Variants in POLR2E observed in about 807,000 individuals in gnomAD.
POLR2E encodes the protein DNA-directed RNA polymerases I, II, and III subunit RPABC1.
A neutral mutation model predicts 29.8 loss-of-function variants in POLR2E; 35 were observed. The ratio of observed to expected loss-of-function variants is 1.17; its 90% CI spans 0.90 to 1.55. POLR2E has a LOEUF of 1.55. POLR2E is among the 40% of genes most tolerant of loss of function. The pLI, the probability that POLR2E is intolerant of heterozygous loss-of-function variation, is 0.00. For missense variants in POLR2E, 287 were observed against 288.6 expected (o/e 0.99, Z 0.04); for synonymous variants, 174 against 112.6 (o/e 1.55, Z -3.45).
intron 3 of POLR2E, 147 bp downstream of exon 3, chr19:1,091,645 G>A: frequency 1.6e-6 from 1 of 629,254 alleles, no homozygotes; most frequent in South Asian, 1.8e-5. Context: ...AGGCGGTCGG[G>A]GCTTGCCGGA....
intron 6 of POLR2E, 69 bp from the exon 7 acceptor site, chr19:1,089,620 G>A: frequency 7.5e-7 from 1 of 1,338,558 alleles, no homozygotes; most frequent in Non-Finnish European, 1.1e-6. Context: ...ACAGCAGGCG[G>A]GCAGCACACG....
In POLR2E at chr19:1,090,942, T is replaced by C; in HGVS notation, c.395A>G (p.Gln132Arg). The C allele has an allele frequency of 4.3e-6, 7 of 1,613,644 alleles. No homozygotes were observed. Among genetic ancestry groups the C allele is most frequent in the Non-Finnish European group, 5.9e-6 (7 of 1,179,972 alleles). Residue 132 changes from glutamine to arginine, a missense_variant, in exon 4 of 8, where the codon CAG (glutamine) becomes CGG (arginine). Gln to Arg is a conservative substitution (Grantham distance 43). Transcript: ENST00000615234. ...APKYILEQFLQQELLINITEH... is the reference protein window; with the variant it reads ...APKYILEQFLRQELLINITEH... ...CGTGATGTTGATGAGCAGCTCCTGC[T>C]GCAGAAACTGCTCCAGGATGTACTT...
In POLR2E at chr19:1,091,906, C is replaced by T; in HGVS notation, c.234G>A (p.Glu78=). The T allele has an allele frequency of 2.5e-6, 4 of 1,606,096 alleles. No individual in the cohort carries two copies. The highest frequency in any genetic ancestry group is 2.6e-6 in the Non-Finnish European group (3 of 1,173,930). ...TGGTCTTGATGCCCACCTTGGGCTCCTCTGCAGACAGAGAGTGTGCTGGCC... is the reference window on the plus strand; with the variant it reads ...TGGTCTTGATGCCCACCTTGGGCTCTTCTGCAGACAGAGAGTGTGCTGGCC... ...PTDQMFVFFP[E]EPKVGIKTIK... Residue 78 remains glutamate (E), a splice_region_variant and synonymous_variant, in exon 3 of 8, where the codon GAG becomes GAA. Coordinates refer to ENST00000615234, the MANE Select transcript of POLR2E (RefSeq NM_002695.5).
At position 1,093,893 on chromosome 19, in the gene POLR2E, C is replaced by T; in HGVS notation, c.232+11G>A. On this transcript the variant is annotated intron_variant, in intron 2 of 7. Transcript: ENST00000615234. ...GGCTTCACCGGAACTCCCCCGGGAC[C>T]CGCTGCTCACCTGGAAAGAACACAA... The T allele has an allele frequency of 1.3e-6, 2 of 1,572,146 alleles. No homozygotes were observed. The highest frequency in any genetic ancestry group is 1.9e-4 in the Middle Eastern group (1 of 5,302).
intron 1 of POLR2E, chr19:1,094,675 G>A (rs1262376263): frequency 6.4e-6 from 1 of 157,478 alleles, no homozygotes; most frequent in Non-Finnish European, 1.4e-5. Context: ...GCAAGACAAA[G>A]CAAAAGCTCT....
rs924545876 is a variant in POLR2E at position 1,094,088 on chromosome 19, G to T, written c.58-10C>A. The T allele has an allele frequency of 2.5e-6, 4 of 1,602,338 alleles. No individual in the cohort carries two copies. The highest frequency in any genetic ancestry group is 3.4e-6 in the Non-Finnish European group (4 of 1,174,546). On this transcript the variant is annotated splice_polypyrimidine_tract_variant and intron_variant, in intron 1 of 7. Transcript: ENST00000615234. ...CACGGTCGTGGCACAGCTGCAGAGAGAAAGAACCAGCTGACCCCAGGGCAG... is the reference window on the plus strand; with the variant it reads ...CACGGTCGTGGCACAGCTGCAGAGATAAAGAACCAGCTGACCCCAGGGCAG...
At chr19:1,094,869 A>C in intron 1 of POLR2E, 1 of 215,824 alleles carries the variant, frequency 4.6e-6, no homozygotes, top group Non-Finnish European at 9.2e-6. Flanking sequence ...CAACTCTGCC[A>C]GCCTCGGATG....
In POLR2E at chr19:1,092,641, T is replaced by C. The variant is rs532836691; in HGVS notation, c.233-734A>G. Among the ~76,000 whole-genome samples the C allele has an allele frequency of 3.1e-3, 471 of 151,960 alleles. 8 individuals carry two copies. Among genetic ancestry groups the C allele is most frequent in the Admixed American group, 1.6e-3 (25 of 15,260 alleles). On this transcript the variant is annotated intron_variant, in intron 2 of 7. Transcript: ENST00000615234. ...AGGCAGAGCTTGCAGTGGGCAGAGA[T>C]TGCGCCACTGCACTCCAGCCTGGGC... is the stretch of plus-strand genomic sequence containing the variant.
rs1403252793 is a variant in POLR2E, at chr19:1,088,410, C to G, written c.*325G>C. 1.3e-5 allele frequency: 2 copies of G among 152,324 alleles called. No homozygotes were observed. Among genetic ancestry groups the G allele is most frequent in the Non-Finnish European group, 2.9e-5 (2 of 68,110 alleles). 9.4% of individuals were successfully genotyped at this position (152,324 alleles called of 1,614,324 possible). On this transcript the variant is annotated 3_prime_UTR_variant, in exon 8 of 8. Transcript: ENST00000615234. ...GAGGAAGCAGTGGCTGGTGGGAGAC[C>G]CGGACCCCAAACCCCCAACAGAGGG...
At chr19:1,091,962 CCACCCAG>C (rs2043842847) in intron 2 of POLR2E, 55 bp from the exon 3 acceptor site, 1 of 1,246,200 alleles carries the variant, frequency 8.0e-7, no homozygotes, top group Admixed American at 1.7e-5. Context: ...TGGCCCTCGC[CCACCCAG>C]AGCCCAGAGC....
intron 5 of POLR2E, 56 bp from the exon 6 acceptor site, chr19:1,090,018 GTGT>G (rs2043794432): frequency 7.5e-7 from 1 of 1,338,790 alleles, no homozygotes; most frequent in Non-Finnish European, 1.0e-6. Flanking sequence ...GCAGGGGTGT[GTGT>G]GGGGGGGGAA....
intron 7 of POLR2E, among the ~76,000 whole-genome samples, chr19:1,089,066 G>A (rs1016193647): frequency 5.3e-5 from 8 of 152,220 alleles, no homozygotes; most frequent in African/African-American, 1.9e-4. Flanking sequence ...ACTCCGGCCA[G>A]TCCCTCCCAA....
chr19:1,089,500 G>C lies in POLR2E; in HGVS notation c.619C>G (p.Arg207Gly). The C allele has an allele frequency of 1.2e-6, 2 of 1,613,492 alleles. No homozygotes were observed. The highest frequency in any genetic ancestry group is 2.2e-5 in the East Asian group (1 of 44,886). Residue 207 changes from arginine to glycine, a missense_variant, in exon 7 of 8, where the codon CGG (arginine) becomes GGG (glycine). Arg to Gly is a moderately radical substitution (Grantham distance 125). Transcript: ENST00000615234. ...TCAGGCGGTAGCTACTGCACCAGCC[G>C]GTAGGTGATGTACCTGCCAGCCGTC... ...SETAGRYITY[R>G]LVQ
At position 1,088,538 on chromosome 19, in the gene POLR2E, G is replaced by A. The variant is rs904682060; in HGVS notation, c.*197C>T. The A allele has an allele frequency of 2.0e-5, 3 of 147,918 alleles. No individual in the cohort carries two copies. The highest frequency in any genetic ancestry group is 4.4e-5 in the Non-Finnish European group (3 of 68,104). The allele number at this position is 147,918 out of a possible 1,614,324, so 9.2% of individuals were successfully genotyped here. A position where few individuals can be genotyped will look rare whatever the true frequency, so the allele number is the denominator to read the frequency against. On this transcript the variant is annotated 3_prime_UTR_variant, in exon 8 of 8. Coordinates refer to ENST00000615234, the MANE Select transcript of POLR2E (RefSeq NM_002695.5). The stretch of plus-strand genomic sequence containing the variant: ...AGGCTGCATCTCGCACAAATCCACA[G>A]GTGAATGGGGCGGGCTGGGCCACAG...
intron 1 of POLR2E, 81 bp from the exon 2 acceptor site, chr19:1,094,159 G>A (rs1457894018): frequency 7.4e-7 from 1 of 1,347,426 alleles, no homozygotes; most frequent in Non-Finnish European, 1.0e-6. Flanking sequence ...TCAGACCTGC[G>A]GCTGCTGCAG....
intron 2 of POLR2E, chr19:1,093,623 G>C: frequency 1.5e-6 from 1 of 679,818 alleles, no homozygotes; most frequent in East Asian, 4.3e-5. Flanking sequence ...TAGGGCAAAG[G>C]ACATGGGGGG....
chr19:1,091,814 C>T lies in POLR2E; in HGVS notation c.326G>A (p.Gly109Asp). The change falls in exon 3 of 8, where the codon GGC becomes GAC. Residue 109 changes from glycine to aspartate, a missense_variant. Gly to Asp is a moderately conservative substitution (Grantham distance 94). Coordinates refer to ENST00000615234, the MANE Select transcript of POLR2E (RefSeq NM_002695.5). ...CACCTGCTTGGCGGAGGGTGTCATG[C>T]CCTGCTGCACCACGATGAGAGCCCG... ...ITRALIVVQQ[G>D]MTPSAKQSLV... is the part of the protein sequence containing the mutation. 1 of 1,610,836 alleles carries T rather than the reference C, an allele frequency of 6.2e-7. No individual in the cohort carries two copies. The highest frequency in any genetic ancestry group is 8.5e-7 in the Non-Finnish European group (1 of 1,179,018).
At chr19:1,091,971 GC>G in intron 2 of POLR2E, 64 bp from the exon 3 acceptor site, 2 of 1,134,442 alleles carry the variant, frequency 1.8e-6, no homozygotes, top group Non-Finnish European at 1.3e-6. Flanking sequence ...CCCACCCAGA[GC>G]CCAGAGCACC....
chr19:1,092,539 A>AT (rs2043858695), intron 2 of POLR2E, among the ~76,000 whole-genome samples: 1 of 151,822 alleles, frequency 6.6e-6, no homozygotes, highest in South Asian at 2.1e-4. Context: ...GTTTCTACTA[A>AT]AAATACAAAA....
Sources: gnomAD v4.1 joint callset for allele counts (sites outside exome capture counted in the v4.1 genomes callset) on GRCh38, gnomAD v4.1.1 for gene constraint, MANE v1.5 for transcripts, NCBI Gene and HGNC (gene_info 2026-07-23, HGNC 2026-07-21) for gene names.